CCNT2: variants seen among roughly 807,000 people sequenced by gnomAD.
The protein encoded by CCNT2 is cyclin-T2.
In CCNT2, 18 loss-of-function variants were observed where a neutral mutation model predicts 70.0. The observed-to-expected ratio is 0.26, with a 90% CI of 0.18 to 0.38. The LOEUF is 0.38. Ranked by LOEUF, CCNT2 falls within the 10% of genes least tolerant of loss-of-function variation. The probability of loss-of-function intolerance (pLI) is 1.00; values close to 1 mark genes in which losing one functional copy is unlikely to be tolerated. For synonymous variants in CCNT2, 334 were observed against 313.3 expected, an observed-to-expected ratio of 1.07 and a Z score of -0.70; for missense variants, 734 against 890.2, an observed-to-expected ratio of 0.82 and a Z score of 2.23.
chr2:134,920,744 T>C (rs1480698266), intron 2 of CCNT2, among the ~76,000 whole-genome samples: 3 of 152,202 alleles, frequency 2.0e-5, no homozygotes, highest in Non-Finnish European at 4.4e-5. Flanking sequence ...CTGAAAGGTA[T>C]GTGTAGAAAA....
chr2:134,933,543 A>C (rs910827525), intron 2 of CCNT2, among the ~76,000 whole-genome samples: 1 of 152,134 alleles, frequency 6.6e-6, no homozygotes, highest in African/African-American at 2.4e-5. Context: ...GAATGGAAAC[A>C]AAAAGGAATA....
chr2:134,918,942 G>T lies in CCNT2; in HGVS notation c.88G>T (p.Ala30Ser). 1 of 1,614,070 alleles carries T rather than the reference G, an allele frequency of 6.2e-7. No homozygotes were observed. Among genetic ancestry groups the T allele is most frequent in the Non-Finnish European group, 8.5e-7 (1 of 1,179,978 alleles). ...NTPSRRCGVEADKELSCRQQA... is the reference protein window; with the variant it reads ...NTPSRRCGVESDKELSCRQQA... ...GCCGAGCCGCCGCTGCGGAGTGGAG[G>T]CGGATAAAGAGCTCTCGTGCCGCCA... Residue 30 changes from alanine to serine, a missense_variant, in exon 1 of 9, where the codon GCG (alanine) becomes TCG (serine). This residue lies in a region of CCNT2 where 161 missense variants were observed against 303.8 expected (regional missense o/e 0.53). Coordinates refer to ENST00000264157, the MANE Select transcript of CCNT2 (RefSeq NM_058241.3).
chr2:134,943,085 AC>A (rs1414539439), intron 5 of CCNT2: 7 of 985,388 alleles, frequency 7.1e-6, no homozygotes, highest in Middle Eastern at 5.2e-4. Context: ...CCAACCTCAG[AC>A]CTTTCAGATA....
At chr2:134,949,151 G>T (rs1682241841) in intron 7 of CCNT2, among the ~76,000 whole-genome samples, 1 of 152,204 alleles carries the variant, frequency 6.6e-6, no homozygotes, top group African/African-American at 2.4e-5. Context: ...CTCCTGAGGA[G>T]CTGGGACCAT....
chr2:134,925,225 G>T (rs986630107), intron 2 of CCNT2, among the ~76,000 whole-genome samples: 4 of 152,072 alleles, frequency 2.6e-5, no homozygotes, highest in African/African-American at 9.7e-5. Context: ...TTACAAATTG[G>T]TATTTTTGTA....
At chr2:134,934,953 A>T (rs1681042243) in intron 2 of CCNT2, among the ~76,000 whole-genome samples, 1 of 152,194 alleles carries the variant, frequency 6.6e-6, no homozygotes, top group Non-Finnish European at 1.5e-5. Context: ...GGAAACTGAG[A>T]GTGTCTTCAT....
chr2:134,933,451 A>G (rs1007343254), intron 2 of CCNT2, among the ~76,000 whole-genome samples: 6 of 152,160 alleles, frequency 3.9e-5, no homozygotes, highest in Admixed American at 3.9e-4. Flanking sequence ...TAAGGGTATC[A>G]GGAGCAGAGA....
At position 134,957,193 on chromosome 2, in the gene CCNT2, AT is replaced by A. The variant is rs1682978818; in HGVS notation, c.*2546del. The A allele has an allele frequency of 6.6e-6, 1 of 152,154 alleles. No individual in the cohort carries two copies. The highest frequency in any genetic ancestry group is 2.4e-5 in the African/African-American group (1 of 41,442). 9.4% of individuals were successfully genotyped at this position (152,154 alleles called of 1,614,324 possible). ...ATCCATCTCATTTGCATAACAGTTC[AT>A]CTGTCTGGTCCCATTAGGCTCTACC... On this transcript the variant is annotated 3_prime_UTR_variant, in exon 9 of 9. Coordinates refer to ENST00000264157, the MANE Select transcript of CCNT2 (RefSeq NM_058241.3).
chr2:134,927,061 G>T lies in CCNT2; in HGVS notation c.240+7170G>T, dbSNP rs544535764. 3.0e-4 allele frequency among the ~76,000 whole-genome samples: 46 copies of T among 152,284 alleles called. 1 individual carries two copies. The highest frequency in any genetic ancestry group is 2.8e-3 in the Admixed American group (43 of 15,298). ...ATTTTTTAAAAAGAATAAATCACTT[G>T]AAGTTTCTGTTAAATAAGGAAGCTG... On this transcript the variant is annotated intron_variant, in intron 2 of 8. Transcript: ENST00000264157.
intron 1 of CCNT2, among the ~76,000 whole-genome samples, 154 bp downstream of exon 1, chr2:134,919,166 G>C (rs1323845695): frequency 6.6e-6 from 1 of 152,228 alleles, no homozygotes; most frequent in East Asian, 1.9e-4. Context: ...CAGTCGCGAG[G>C]GGTCAGCAGA....
intron 6 of CCNT2, 72 bp downstream of exon 6, chr2:134,946,218 A>G (rs1681955156): frequency 3.3e-6 from 5 of 1,523,846 alleles, no homozygotes; most frequent in Admixed American, 1.7e-5. Flanking sequence ...GGCCCCCTCA[A>G]TGTGTCTCTT....
chr2:134,946,349 TG>T, intron 6 of CCNT2: 1 of 1,196,466 alleles, frequency 8.4e-7, no homozygotes, highest in Non-Finnish European at 1.1e-6. Context: ...TGAAGTGTAG[TG>T]GTGCTTTCTG....
At chr2:134,920,988 T>G (rs978113118) in intron 2 of CCNT2, among the ~76,000 whole-genome samples, 6 of 152,224 alleles carry the variant, frequency 3.9e-5, no homozygotes, top group African/African-American at 1.2e-4. Flanking sequence ...TCTTGAAGAC[T>G]TCTTCTATTT....
intron 4 of CCNT2, among the ~76,000 whole-genome samples, chr2:134,940,051 T>C (rs1382254911): frequency 6.6e-6 from 1 of 152,226 alleles, no homozygotes; most frequent in Admixed American, 6.5e-5. Flanking sequence ...TTACCTGTTG[T>C]ACCTCCATTC....
chr2:134,926,833 GCT>G (rs1680334717), intron 2 of CCNT2, among the ~76,000 whole-genome samples: 6 of 152,242 alleles, frequency 3.9e-5, no homozygotes, highest in African/African-American at 1.4e-4. Context: ...CTATCTTGTT[GCT>G]CTGTTTTTCT....
chr2:134,950,488 C>G (rs1682403494), intron 7 of CCNT2, among the ~76,000 whole-genome samples: 1 of 152,052 alleles, frequency 6.6e-6, no homozygotes, highest in Non-Finnish European at 1.5e-5. Flanking sequence ...AAAATACACA[C>G]AAACCGGGCA....
At position 134,929,169 on chromosome 2, in the gene CCNT2, A is replaced by G. The variant is rs939284944; in HGVS notation, c.241-7672A>G. ...TAAGAAATTGATATTCTCAAAACAA[A>G]ACCTGATTCTACTTTTAAATTAACA... On this transcript the variant is annotated intron_variant, in intron 2 of 8. Transcript: ENST00000264157. Among the ~76,000 whole-genome samples the G allele has an allele frequency of 9.8e-5, 15 of 152,360 alleles. 1 individual carries two copies. The East Asian group carries it at 1.3e-3, about 14-fold the overall frequency.
At chr2:134,922,621 C>T (rs1385350998) in intron 2 of CCNT2, among the ~76,000 whole-genome samples, 3 of 152,114 alleles carry the variant, frequency 2.0e-5, no homozygotes, top group African/African-American at 7.2e-5. Context: ...TAAAGAATGG[C>T]CTTGCTGGAT....
intron 2 of CCNT2, among the ~76,000 whole-genome samples, chr2:134,927,797 TA>T (rs1377504785): frequency 6.6e-6 from 1 of 152,166 alleles, no homozygotes; most frequent in Non-Finnish European, 1.5e-5. Context: ...TTCTAGGGAT[TA>T]GGGGAAATGA....
Sources: allele counts gnomAD v4.1 joint callset (sites outside exome capture counted in the v4.1 genomes callset), GRCh38; gene constraint gnomAD v4.1.1; regional missense constraint gnomAD v4.1.1; transcripts MANE v1.5; gene names NCBI Gene and HGNC (gene_info 2026-07-23, HGNC 2026-07-21).